GRIK2: variants seen among roughly 807,000 people sequenced by gnomAD.
GRIK2 encodes the protein glutamate receptor ionotropic, kainate 2.
Under a neutral mutation model 100.3 loss-of-function variants are expected in GRIK2, and 32 were observed. The ratio of observed to expected loss-of-function variants is 0.32; its 90% CI spans 0.24 to 0.43. The LOEUF is 0.43. Among genes scored for constraint, GRIK2 ranks in the 20% least tolerant of loss-of-function variants. The probability of loss-of-function intolerance (pLI) is 1.00; values close to 1 mark genes in which losing one functional copy is unlikely to be tolerated. For missense variants in GRIK2, 843 were observed against 1,114.9 expected (o/e 0.76, Z 3.47); for synonymous variants, 417 against 389.4 (o/e 1.07, Z -0.83).
intron 9 of GRIK2, among the ~76,000 whole-genome samples, chr6:101,808,495 T>G (rs1038626288): frequency 2.0e-5 from 3 of 152,046 alleles, no homozygotes; most frequent in Admixed American, 1.3e-4. Flanking sequence ...ACTGTTACAC[T>G]TTCCTGGTTA....
intron 2 of GRIK2, among the ~76,000 whole-genome samples, chr6:101,468,913 A>G (rs1430270106): frequency 1.3e-5 from 2 of 152,108 alleles, no homozygotes; most frequent in Non-Finnish European, 2.9e-5. Flanking sequence ...CATATCACTT[A>G]TATTCATTTT....
intron 7 of GRIK2, among the ~76,000 whole-genome samples, chr6:101,768,466 A>G (rs1469125807): frequency 6.6e-6 from 1 of 152,182 alleles, no homozygotes; most frequent in Non-Finnish European, 1.5e-5. Context: ...TCTGGTGAGC[A>G]AATTATGGTT....
intron 10 of GRIK2, among the ~76,000 whole-genome samples, chr6:101,838,154 C>A (rs1378882601): frequency 6.6e-6 from 1 of 152,138 alleles, no homozygotes; most frequent in Non-Finnish European, 1.5e-5. Flanking sequence ...TAGATCCTAC[C>A]CTTTTGTTCT....
chr6:101,398,758 T>G, intron 1 of GRIK2: 1 of 356,888 alleles, frequency 2.8e-6, no homozygotes, highest in Non-Finnish European at 5.0e-6. Context: ...TAATAGATAT[T>G]GGGGAGCTCA....
At chr6:102,029,424 T>C (rs1769869773) in intron 14 of GRIK2, among the ~76,000 whole-genome samples, 1 of 151,318 alleles carries the variant, frequency 6.6e-6, no homozygotes, top group South Asian at 2.1e-4. Context: ...ATATTCAACA[T>C]AGAAATATTT....
At chr6:101,937,532 G>T (rs1790691065) in intron 14 of GRIK2, among the ~76,000 whole-genome samples, 1 of 152,082 alleles carries the variant, frequency 6.6e-6, no homozygotes, top group South Asian at 2.1e-4. Context: ...CAAAAAATAG[G>T]CTGAGATAAA....
chr6:101,551,701 G>T (rs1206172948), intron 2 of GRIK2, among the ~76,000 whole-genome samples: 1 of 152,136 alleles, frequency 6.6e-6, no homozygotes, highest in African/African-American at 2.4e-5. Flanking sequence ...CTACCAAAAA[G>T]AGTTCAGCAC....
intron 12 of GRIK2, among the ~76,000 whole-genome samples, chr6:101,914,905 T>C (rs1449335829): frequency 1.3e-5 from 2 of 151,578 alleles, no homozygotes; most frequent in Non-Finnish European, 3.0e-5. Flanking sequence ...TTCATTCCTT[T>C]CTTAACCATA....
chr6:101,978,902 T>A (rs761784353), intron 14 of GRIK2, among the ~76,000 whole-genome samples: 1 of 152,096 alleles, frequency 6.6e-6, no homozygotes, highest in South Asian at 2.1e-4. Context: ...TAATACTACT[T>A]AATGGCAGAC....
At chr6:101,595,504 A>G (rs1268733881) in intron 2 of GRIK2, among the ~76,000 whole-genome samples, 1 of 151,564 alleles carries the variant, frequency 6.6e-6, no homozygotes, top group Non-Finnish European at 1.5e-5. Flanking sequence ...ATGATGCCAG[A>G]TTCTATGTAG....
At chr6:101,992,195 A>T (rs757550477) in intron 14 of GRIK2, among the ~76,000 whole-genome samples, 8 of 151,592 alleles carry the variant, frequency 5.3e-5, no homozygotes, top group Non-Finnish European at 8.9e-5. Flanking sequence ...ATCTGTAAAC[A>T]GCTTTTCTAC....
intron 2 of GRIK2, among the ~76,000 whole-genome samples, chr6:101,419,016 TA>T (rs1262656039): frequency 6.6e-6 from 1 of 152,194 alleles, no homozygotes; most frequent in Non-Finnish European, 1.5e-5. Context: ...AGGTGTATCT[TA>T]ACTCTGCCAA....
intron 2 of GRIK2, among the ~76,000 whole-genome samples, chr6:101,571,928 T>G (rs919541797): frequency 6.6e-6 from 1 of 152,146 alleles, no homozygotes; most frequent in Non-Finnish European, 1.5e-5. Context: ...TAAATATAAA[T>G]GCTTACAAAA....
At chr6:101,466,647 G>A (rs1014060450) in intron 2 of GRIK2, among the ~76,000 whole-genome samples, 5 of 150,748 alleles carry the variant, frequency 3.3e-5, no homozygotes, top group African/African-American at 7.3e-5. Flanking sequence ...AGCATATATC[G>A]TCTTTCATTC....
At chr6:102,054,959 GT>G (rs927271479) in intron 15 of GRIK2, among the ~76,000 whole-genome samples, 4 of 152,114 alleles carry the variant, frequency 2.6e-5, no homozygotes, top group African/African-American at 9.7e-5. Flanking sequence ...AGAGATAGCT[GT>G]TTTATCAGTG....
intron 10 of GRIK2, among the ~76,000 whole-genome samples, chr6:101,819,220 C>T (rs17062550): frequency 6.6e-6 from 1 of 152,066 alleles, no homozygotes; most frequent in South Asian, 2.1e-4. Context: ...ACCAAATAAG[C>T]TTATCAATGA....
At chr6:101,801,493 T>A (rs113726648) in intron 8 of GRIK2, among the ~76,000 whole-genome samples, 3,938 of 152,080 alleles carry the variant, frequency 0.026, 178 homozygotes, top group African/African-American at 0.089. Flanking sequence ...TAATTTCAAA[T>A]CCTTATTGAA....
intron 1 of GRIK2, among the ~76,000 whole-genome samples, chr6:101,397,625 T>G (rs1775063405): frequency 6.6e-6 from 1 of 152,192 alleles, no homozygotes; most frequent in African/African-American, 2.4e-5. Flanking sequence ...TAAGAAAATT[T>G]AAATTAAAAA....
intron 7 of GRIK2, among the ~76,000 whole-genome samples, chr6:101,696,533 T>TA (rs1723346025): frequency 2.0e-5 from 3 of 151,954 alleles, no homozygotes; most frequent in African/African-American, 7.2e-5. Context: ...ACAGTGGCCC[T>TA]AGGAATAGTG....
Sources: allele counts gnomAD v4.1 joint callset (sites outside exome capture counted in the v4.1 genomes callset), GRCh38; gene constraint gnomAD v4.1.1; transcripts MANE v1.5; gene names NCBI Gene and HGNC (gene_info 2026-07-23, HGNC 2026-07-21).